XPO5: variants seen among roughly 807,000 people sequenced by gnomAD.
XPO5 encodes the protein exportin-5.
A neutral mutation model predicts 160.6 loss-of-function variants in XPO5; 46 were observed. The observed-to-expected ratio is 0.29, with a 90% CI of 0.23 to 0.37. The LOEUF (loss-of-function observed/expected upper bound fraction) is 0.37. XPO5 is among the 10% of genes least tolerant of loss of function. XPO5 has a pLI of 1.00. For synonymous variants in XPO5, 537 were observed against 519.3 expected, an observed-to-expected ratio of 1.03 and a Z score of -0.46; for missense variants, 1,090 against 1,463.9, an observed-to-expected ratio of 0.74 and a Z score of 4.17.
intron 28 of XPO5, chr6:43,525,517 A>G (rs1185822096): frequency 4.0e-6 from 2 of 500,664 alleles, no homozygotes; most frequent in Non-Finnish European, 3.5e-6. Flanking sequence ...TGCCAGTCAA[A>G]AAGAAAAAAT....
chr6:43,572,847 G>C (rs1048456509), intron 2 of XPO5, among the ~76,000 whole-genome samples: 1 of 152,212 alleles, frequency 6.6e-6, no homozygotes, highest in African/African-American at 2.4e-5. Flanking sequence ...TTTGCCTCAT[G>C]ATTTTATTGA....
rs1793684412 is a variant in XPO5, at chr6:43,527,645, A to G, written c.2909T>C (p.Met970Thr). ...QLVRMLTREV[M>T]DLITVCCVSK... Reference sequence around the variant, plus strand: ...GACATGCCACTTACTGATTAGGTCCATGACTTCTCGGGTTAACATCCTCAC... The same window carrying G: ...GACATGCCACTTACTGATTAGGTCCGTGACTTCTCGGGTTAACATCCTCAC... Residue 970 changes from methionine (M) to threonine (T), a missense_variant, in exon 26 of 32, where the codon ATG becomes ACG. This residue lies in a region of XPO5 where 810 missense variants were observed against 1,139.0 expected (regional missense o/e 0.71). Transcript: ENST00000265351. 5 of 1,613,926 alleles carry G rather than the reference A, an allele frequency of 3.1e-6. No individual in the cohort carries two copies. In the East Asian group the frequency reaches 1.1e-4, roughly 36 times the overall value.
At position 43,570,397 on chromosome 6, in the gene XPO5, A is replaced by G. The variant is rs374777936; in HGVS notation, c.621+105T>C. 1,670 of 903,702 alleles carry G rather than the reference A, an allele frequency of 1.8e-3. 8 individuals carry two copies. Among genetic ancestry groups the G allele is most frequent in the South Asian group, 0.014 (406 of 29,130 alleles). 56.0% of individuals were successfully genotyped at this position (903,702 alleles called of 1,614,324 possible). On this transcript the variant is annotated intron_variant, in intron 5 of 31. Coordinates refer to ENST00000265351, the MANE Select transcript of XPO5 (RefSeq NM_020750.3). ...TTTTTTATTTTTTTGCTTATAAAAT[A>G]GGATTTCATTTTGCTGACCTAGACA... is the stretch of plus-strand genomic sequence containing the variant.
intron 13 of XPO5, chr6:43,555,003 GC>G (rs1195015232): frequency 1.4e-5 from 2 of 146,772 alleles, no homozygotes; most frequent in Non-Finnish European, 3.0e-5. Flanking sequence ...GTACAATGGC[GC>G]CATCTCGGCT....
chr6:43,529,191 TAGGA>T (rs1793787679), intron 23 of XPO5: 9 of 1,452,912 alleles, frequency 6.2e-6, no homozygotes, highest in East Asian at 3.1e-5. Context: ...AATAAAAAAA[TAGGA>T]AGGAGGACAT....
intron 16 of XPO5, 58 bp from the exon 17 acceptor site, chr6:43,549,636 C>T (rs1256940132): frequency 6.4e-7 from 1 of 1,554,758 alleles, no homozygotes; most frequent in Admixed American, 1.8e-5. Flanking sequence ...ACAGGTGCTG[C>T]ATAGACTCAT....
At chr6:43,571,061 G>T (rs975540186) in intron 3 of XPO5, 67 bp from the exon 4 acceptor site, 1 of 1,524,146 alleles carries the variant, frequency 6.6e-7, no homozygotes, top group Non-Finnish European at 8.8e-7. Context: ...AAAAAAGCTG[G>T]GCTGTAGAGT....
At chr6:43,558,800 T>G (rs1762250642) in intron 11 of XPO5, 1 of 457,666 alleles carries the variant, frequency 2.2e-6, no homozygotes, top group Non-Finnish European at 3.8e-6. Flanking sequence ...GAGAATACTT[T>G]TAGTTGATAC....
rs542844331 is a variant in XPO5 at position 43,563,660 on chromosome 6, T to G, written c.912-1314A>C. 1.2e-4 allele frequency among the ~76,000 whole-genome samples: 19 copies of G among 152,254 alleles called. No homozygotes were observed. In the South Asian group the frequency reaches 3.1e-3, roughly 25 times the overall value. On this transcript the variant is annotated intron_variant, in intron 8 of 31. Transcript: ENST00000265351. ...ATTGCTCCTAGGCTACAAACCTCTA[T>G]AGCATGTTACCGTAGCCAATACTGC...
chr6:43,535,184 C>T (rs1366218091), intron 20 of XPO5, among the ~76,000 whole-genome samples: 5 of 146,132 alleles, frequency 3.4e-5, no homozygotes, highest in African/African-American at 7.7e-5. Context: ...CCCAGCTACT[C>T]GGGAGGCTGA....
chr6:43,570,834 A>G (rs1762974899), intron 4 of XPO5, 23 bp downstream of exon 4: 2 of 1,580,884 alleles, frequency 1.3e-6, no homozygotes, highest in Non-Finnish European at 1.7e-6. Flanking sequence ...AGTATACCAA[A>G]CTGATATAGC....
chr6:43,529,761 A>T (rs1793843698), intron 23 of XPO5, among the ~76,000 whole-genome samples: 2 of 151,620 alleles, frequency 1.3e-5, no homozygotes, highest in Non-Finnish European at 2.9e-5. Context: ...CTCTACAAAT[A>T]ATAATAAAAA....
intron 19 of XPO5, among the ~76,000 whole-genome samples, chr6:43,547,145 G>A (rs977690311): frequency 5.9e-5 from 9 of 152,152 alleles, no homozygotes; most frequent in African/African-American, 1.4e-4. Context: ...CCCCCCTCAC[G>A]GTACTCTGAA....
chr6:43,545,608 G>A (rs1389978245), intron 20 of XPO5, among the ~76,000 whole-genome samples: 2 of 152,114 alleles, frequency 1.3e-5, no homozygotes, highest in Non-Finnish European at 2.9e-5. Context: ...TTGGGTGGCT[G>A]AGGCAGAAGA....
At chr6:43,560,143 C>T in intron 11 of XPO5, 35 bp downstream of exon 11, 5 of 1,604,578 alleles carry the variant, frequency 3.1e-6, no homozygotes, top group Non-Finnish European at 4.3e-6. Context: ...TGTGTATTCA[C>T]CTACATTCCA....
intron 27 of XPO5, 79 bp downstream of exon 27, chr6:43,526,606 A>G: frequency 1.3e-6 from 2 of 1,538,130 alleles, no homozygotes; most frequent in Admixed American, 3.6e-5. Context: ...ACCAGACTGC[A>G]AGGAAACTGA....
chr6:43,565,647 T>A lies in XPO5; in HGVS notation c.911+13A>T. The stretch of plus-strand genomic sequence containing the variant: ...AGAAATTAGAAAACACACTGAAAAG[T>A]AAAGATACTCACTGTGCGGCGGAGA... On this transcript the variant is annotated intron_variant, in intron 8 of 31. Transcript: ENST00000265351. The A allele has an allele frequency of 6.3e-7, 1 of 1,575,162 alleles. No homozygotes were observed. Among genetic ancestry groups the A allele is most frequent in the Non-Finnish European group, 8.6e-7 (1 of 1,162,682 alleles).
intron 19 of XPO5, 54 bp downstream of exon 19, chr6:43,547,554 C>T (rs757854731): frequency 3.4e-5 from 52 of 1,538,782 alleles, no homozygotes; most frequent in Middle Eastern, 1.7e-4. Flanking sequence ...CAAAAGACAA[C>T]ACCCTACTCC....
chr6:43,531,575 C>A lies in XPO5; in HGVS notation c.2444G>T (p.Gly815Val). The A allele has an allele frequency of 6.2e-7, 1 of 1,612,848 alleles. No homozygotes were observed. Among genetic ancestry groups the A allele is most frequent in the East Asian group, 2.2e-5 (1 of 44,866 alleles). The change falls in exon 22 of 32, where the codon GGA becomes GTA. Residue 815 changes from glycine (G) to valine (V), a missense_variant and splice_region_variant. Transcript: ENST00000265351. Reference protein sequence around the residue: ...MLDAEKSAILGLPQPLLELND... With the variant: ...MLDAEKSAILVLPQPLLELND... ...GAGTTCCAAGAGAGGTTGAGGTAAT[C>A]CTACAGGGAAATACGGGTCAAGAAC...
Sources: gnomAD v4.1 joint callset for allele counts (sites outside exome capture counted in the v4.1 genomes callset) on GRCh38, gnomAD v4.1.1 for gene constraint, gnomAD v4.1.1 regional missense constraint, MANE v1.5 for transcripts, NCBI Gene and HGNC (gene_info 2026-07-23, HGNC 2026-07-21) for gene names.